Variants in OSBPL3 observed in about 807,000 individuals in gnomAD.
OSBPL3 encodes oxysterol binding protein like 3, also known as oxysterol-binding protein-related protein 3.
In OSBPL3, 65 loss-of-function variants were observed where a neutral mutation model predicts 120.1. The ratio of observed to expected loss-of-function variants is 0.54; its 90% CI spans 0.44 to 0.67. The LOEUF is 0.67. Ranked by LOEUF, OSBPL3 falls within the 30% of genes least tolerant of loss-of-function variation. OSBPL3 has a pLI of 0.00. For synonymous variants in OSBPL3, 416 were observed against 402.6 expected (o/e 1.03, Z -0.40); for missense variants, 1,004 against 1,082.1 (o/e 0.93, Z 1.01).
intron 1 of OSBPL3, among the ~76,000 whole-genome samples, chr7:24,944,863 T>A (rs4722408): frequency 0.21 from 31,481 of 152,130 alleles, 3,470 homozygotes; most frequent in Admixed American, 0.29. Context: ...AACAACCACA[T>A]CATTCTCAAA....
At position 24,872,448 on chromosome 7, in the gene OSBPL3, A is replaced by AGAGAGAGTGTGT. The variant is rs912921078; in HGVS notation, c.97-380_97-379insACACACTCTCTC. Among the ~76,000 whole-genome samples the AGAGAGAGTGTGT allele has an allele frequency of 2.1e-5, 3 of 144,988 alleles. No homozygotes were observed. Among genetic ancestry groups the AGAGAGAGTGTGT allele is most frequent in the African/African-American group, 7.7e-5 (3 of 38,820 alleles). On this transcript the variant is annotated intron_variant, in intron 2 of 22. Transcript: ENST00000313367. This position sits in a 1 kb window ranked among gnomAD's most constrained non-coding sequence, Gnocchi z 4.1. ...TCAGTCTGAATTTTAACCGAAAGAG[A>AGAGAGAGTGTGT]GTGTGTGTGTGTGTGTGTGTGTGTG...
chr7:24,911,470 A>G (rs1204727201), intron 1 of OSBPL3, among the ~76,000 whole-genome samples: 1 of 152,238 alleles, frequency 6.6e-6, no homozygotes, highest in Non-Finnish European at 1.5e-5. Flanking sequence ...AGAAATGTAA[A>G]CAGCCAGCTA....
chr7:24,806,220 GTGT>G lies in OSBPL3; in HGVS notation c.2444+553_2444+555del, dbSNP rs1216043078. Among the ~76,000 whole-genome samples, 1 of 152,236 alleles carries G rather than the reference GTGT, an allele frequency of 6.6e-6. No individual in the cohort carries two copies. The highest frequency in any genetic ancestry group is 6.5e-5 in the Admixed American group (1 of 15,290). Reference sequence around the variant, plus strand: ...GATCCGCCCGCTTCGGCCTCCCAAAGTGTTGTTTGTTTTTAATAAAGCCAAATG... The same window carrying G: ...GATCCGCCCGCTTCGGCCTCCCAAAGTGTTTGTTTTTAATAAAGCCAAATG... On this transcript the variant is annotated intron_variant, in intron 21 of 22. Transcript: ENST00000313367. This position sits in a 1 kb window ranked among gnomAD's most constrained non-coding sequence, Gnocchi z 5.2.
chr7:24,897,388 C>T (rs1172577865), intron 1 of OSBPL3, among the ~76,000 whole-genome samples: 2 of 142,242 alleles, frequency 1.4e-5, no homozygotes, highest in South Asian at 2.3e-4. Context: ...TGCAGTGGCG[C>T]GATCTCGGCT....
At chr7:24,980,179 G>C (rs928604244), upstream of OSBPL3, 75 of 394,722 alleles carry the variant, frequency 1.9e-4, no homozygotes, top group Middle Eastern at 1.2e-3. Flanking sequence ...AGAACTTCTC[G>C]GCGCGCGCCG....
chr7:24,978,585 C>G (rs1817841068), intron 1 of OSBPL3, among the ~76,000 whole-genome samples: 1 of 152,184 alleles, frequency 6.6e-6, no homozygotes, highest in South Asian at 2.1e-4. Context: ...GACTGATCTC[C>G]TTTAGCCAAG....
chr7:24,847,059 CAAA>C (rs10712873), intron 12 of OSBPL3, among the ~76,000 whole-genome samples: 18,806 of 106,278 alleles, frequency 0.18, 1,318 homozygotes, highest in East Asian at 0.37. Context: ...GACTCTGTCT[CAAA>C]AAAAAAAAAA....
intron 1 of OSBPL3, among the ~76,000 whole-genome samples, chr7:24,905,383 T>G (rs1474067723): frequency 6.6e-6 from 1 of 152,166 alleles, no homozygotes; most frequent in Non-Finnish European, 1.5e-5. Context: ...ACTGAATGAC[T>G]TCAGTCTTCA....
Position 24,959,570 on chromosome 7 carries a change from T to C in OSBPL3, c.-150+20316A>G, listed in dbSNP as rs1001582944. Among the ~76,000 whole-genome samples, 5 of 152,206 alleles carry C rather than the reference T, an allele frequency of 3.3e-5. No homozygotes were observed. Among genetic ancestry groups the C allele is most frequent in the Non-Finnish European group, 7.3e-5 (5 of 68,028 alleles). ...GTAGGGATAGCGACTTCGGAAGAGC[T>C]GGTAATCACCTGTTTCTTGTTCTGG... On this transcript the variant is annotated intron_variant, in intron 1 of 22. Transcript: ENST00000313367. This position sits in a 1 kb window ranked among gnomAD's most constrained non-coding sequence, Gnocchi z 4.3.
At chr7:24,902,066 C>T (rs1224421240) in intron 1 of OSBPL3, among the ~76,000 whole-genome samples, 1 of 152,208 alleles carries the variant, frequency 6.6e-6, no homozygotes, top group Non-Finnish European at 1.5e-5. Context: ...CTCTCTAGAT[C>T]TCAATTTTTC....
chr7:24,866,312 G>A (rs1216160372), intron 5 of OSBPL3, 75 bp from the exon 6 acceptor site: 4 of 1,100,132 alleles, frequency 3.6e-6, no homozygotes, highest in African/African-American at 3.1e-5. Flanking sequence ...TCAAATTGAG[G>A]CCACTCTCAA....
In OSBPL3 at chr7:24,938,833, G is replaced by GTT. The variant is rs1162993916; in HGVS notation, c.-150+41051_-150+41052dup. ...TGTGTGTGTGTGTGTGTGTGTGTGT[G>GTT]TTTTGAGAGCAAAACTAATGTGGCC... On this transcript the variant is annotated intron_variant, in intron 1 of 22. Transcript: ENST00000313367. This position sits in a 1 kb window ranked among gnomAD's most constrained non-coding sequence, Gnocchi z 5.8. Among the ~76,000 whole-genome samples, 21 of 136,464 alleles carry GTT rather than the reference G, an allele frequency of 1.5e-4. No individual in the cohort carries two copies. The highest frequency in any genetic ancestry group is 5.4e-4 in the African/African-American group (20 of 36,858). 89.5% of individuals were successfully genotyped at this position (136,464 alleles called of 152,430 possible).
rs752429736 is a variant in OSBPL3, at chr7:24,892,417, CTTGAAGGTGAT to C, written c.45_55del (p.Ser16GlufsTer4). ...CTTGGAAGAGCAGCTACTTGTGCTC[CTTGAAGGTGAT>C]ACCAATTTTTGGGACACACCAAGGT... On this transcript the variant is annotated frameshift_variant, in exon 2 of 23. Coordinates refer to ENST00000313367, the MANE Select transcript of OSBPL3 (RefSeq NM_015550.4). LOFTEE classifies it high-confidence loss of function. 1 of 1,613,638 alleles carries C rather than the reference CTTGAAGGTGAT, an allele frequency of 6.2e-7. No homozygotes were observed. Among genetic ancestry groups the C allele is most frequent in the East Asian group, 2.2e-5 (1 of 44,882 alleles).
rs1806463849 is a variant in OSBPL3 at position 24,898,252 on chromosome 7, C to T, written c.-149-5631G>A. On this transcript the variant is annotated intron_variant, in intron 1 of 22. Coordinates refer to ENST00000313367, the MANE Select transcript of OSBPL3 (RefSeq NM_015550.4). The surrounding 1 kb of genome is among the most constrained non-coding windows in gnomAD (Gnocchi z 4.3). ...CAGGTTCTAATCACAACTTCAGATA[C>T]CGATCGGTGATCCCGGACCTCTGAA... Among the ~76,000 whole-genome samples the T allele has an allele frequency of 6.6e-6, 1 of 152,204 alleles. No homozygotes were observed. The highest frequency in any genetic ancestry group is 1.5e-5 in the Non-Finnish European group (1 of 68,044).
At chr7:24,906,864 G>A (rs1808011325) in intron 1 of OSBPL3, among the ~76,000 whole-genome samples, 1 of 152,016 alleles carries the variant, frequency 6.6e-6, no homozygotes, top group Non-Finnish European at 1.5e-5. Flanking sequence ...CCTTACCTTA[G>A]TAAAGCCTCT....
intron 1 of OSBPL3, among the ~76,000 whole-genome samples, chr7:24,909,444 A>G (rs1358914019): frequency 6.6e-6 from 1 of 152,210 alleles, no homozygotes; most frequent in African/African-American, 2.4e-5. Flanking sequence ...GGACCCAGAA[A>G]TGAAAGACAC....
At chr7:24,911,744 G>C (rs6461826) in intron 1 of OSBPL3, among the ~76,000 whole-genome samples, 50,565 of 151,966 alleles carry the variant, frequency 0.33, 9,503 homozygotes, top group African/African-American at 0.52. Flanking sequence ...AACATAGGTG[G>C]GGAGAAAAAG....
chr7:24,800,428 T>C (rs924314946), intron 22 of OSBPL3, 149 bp from the exon 23 acceptor site: 18 of 530,158 alleles, frequency 3.4e-5, no homozygotes, highest in African/African-American at 3.3e-4. Context: ...TTCTGGGAAT[T>C]AGATGTCCAG....
At position 24,804,544 on chromosome 7, in the gene OSBPL3, C is replaced by T; in HGVS notation, c.2445-107G>A. On this transcript the variant is annotated intron_variant, in intron 21 of 22. Transcript: ENST00000313367. The surrounding 1 kb of genome is among the most constrained non-coding windows in gnomAD (Gnocchi z 5.4). ...CACGACTGGATATTCAAAATCCTCT[C>T]CTATACGTAAGACCCCGCCCCAACC... 1 of 1,062,956 alleles carries T rather than the reference C, an allele frequency of 9.4e-7. No individual in the cohort carries two copies. The highest frequency in any genetic ancestry group is 2.2e-5 in the Admixed American group (1 of 45,150). The allele number at this position is 1,062,956 out of a possible 1,614,324, so 65.8% of individuals were successfully genotyped here. A position where few individuals can be genotyped will look rare whatever the true frequency, so the allele number is the denominator to read the frequency against.
Sources: allele counts gnomAD v4.1 joint callset (sites outside exome capture counted in the v4.1 genomes callset), GRCh38; gene constraint gnomAD v4.1.1; non-coding constraint Gnocchi (gnomAD v3.1); transcripts MANE v1.5; gene names NCBI Gene and HGNC (gene_info 2026-07-23, HGNC 2026-07-21).